The following TBC1D8 variants were observed in gnomAD, a reference collection of about 807,000 sequenced individuals.
The protein encoded by TBC1D8 is TBC1 domain family member 8, also known as BUB2-like protein 1.
In TBC1D8, 65 loss-of-function variants were observed where a neutral mutation model predicts 118.8. The observed-to-expected ratio is 0.55, with a 90% CI of 0.45 to 0.67. The LOEUF (loss-of-function observed/expected upper bound fraction) is 0.67. TBC1D8 is among the 30% of genes least tolerant of loss of function. TBC1D8 has a pLI of 0.00. For synonymous variants in TBC1D8, 566 were observed against 595.8 expected, an observed-to-expected ratio of 0.95 and a Z score of 0.73; for missense variants, 1,376 against 1,471.2, an observed-to-expected ratio of 0.94 and a Z score of 1.06.
chr2:101,048,181 G>A lies in TBC1D8; in HGVS notation c.872+2220C>T, dbSNP rs980559544. Among the ~76,000 whole-genome samples, 3 of 152,340 alleles carry A rather than the reference G, an allele frequency of 2.0e-5. No individual in the cohort carries two copies. In the East Asian group the frequency reaches 5.8e-4, roughly 29 times the overall value. On this transcript the variant is annotated intron_variant, in intron 5 of 19. Coordinates refer to ENST00000409318, the MANE Select transcript of TBC1D8 (RefSeq NM_001330348.2). ...CTAGCAACTCACACAAGCCAGGCTTGTTGCTTCGGGGCTTCCTGCAACTTT... is the reference window on the plus strand; with the variant it reads ...CTAGCAACTCACACAAGCCAGGCTTATTGCTTCGGGGCTTCCTGCAACTTT...
chr2:101,135,007 A>G (rs1292303589), intron 1 of TBC1D8, among the ~76,000 whole-genome samples: 3 of 152,146 alleles, frequency 2.0e-5, no homozygotes, highest in African/African-American at 7.2e-5. Context: ...CCCCGTCTCT[A>G]CTAAAAATAC....
chr2:101,079,521 C>T (rs1409477960), intron 2 of TBC1D8, among the ~76,000 whole-genome samples: 4 of 151,834 alleles, frequency 2.6e-5, no homozygotes, highest in Admixed American at 6.6e-5. Context: ...ACTACAGGTG[C>T]GCTCCACCAC....
chr2:101,148,293 C>G (rs922252498), intron 1 of TBC1D8, among the ~76,000 whole-genome samples: 1 of 152,304 alleles, frequency 6.6e-6, no homozygotes, highest in Middle Eastern at 3.4e-3. Context: ...CTACTCCCAC[C>G]CAACTTTTAA....
In TBC1D8 at chr2:101,032,360, A is replaced by T; in HGVS notation, c.1844T>A (p.Leu615Gln). 1.9e-6 allele frequency: 3 copies of T among 1,613,832 alleles called. No homozygotes were observed. Among genetic ancestry groups the T allele is most frequent in the Non-Finnish European group, 2.5e-6 (3 of 1,179,738 alleles). Residue 615 changes from leucine (L) to glutamine (Q), a missense_variant, in exon 11 of 20, where the codon CTG becomes CAG. Leu to Gln is a moderately radical substitution (Grantham distance 113, BLOSUM62 -2). Coordinates refer to ENST00000409318, the MANE Select transcript of TBC1D8 (RefSeq NM_001330348.2). ...CQSMNILTSV[L>Q]LLYTKEEEAF... ...TTCCTCCTCCTTGGTGTACAGCAGCAGCACGGAGGTCAGGATGTTCATGGA... is the reference window on the plus strand; with the variant it reads ...TTCCTCCTCCTTGGTGTACAGCAGCTGCACGGAGGTCAGGATGTTCATGGA...
rs1327045589 is a variant in TBC1D8, at chr2:101,151,128, G to T, written c.126C>A (p.Thr42=). Residue 42 remains threonine (T), a splice_region_variant and synonymous_variant, in exon 1 of 20, where the codon ACC becomes ACA. Transcript: ENST00000409318. ...CGCCCGCCCCGGCGAGCCCCTTACCGGTGAGGCGGCCGCCCCCCTCGCCGT... is the reference window on the plus strand; with the variant it reads ...CGCCCGCCCCGGCGAGCCCCTTACCTGTGAGGCGGCCGCCCCCCTCGCCGT... ...RGHGEGGGRL[T]GRLVGALDAV... The T allele has an allele frequency of 8.9e-7, 1 of 1,121,636 alleles. No individual in the cohort carries two copies. The highest frequency in any genetic ancestry group is 1.1e-6 in the Non-Finnish European group (1 of 899,730). 69.5% of individuals were successfully genotyped at this position (1,121,636 alleles called of 1,614,324 possible).
chr2:101,048,458 C>T (rs1681848000), intron 5 of TBC1D8, among the ~76,000 whole-genome samples: 1 of 152,164 alleles, frequency 6.6e-6, no homozygotes, highest in African/African-American at 2.4e-5. Context: ...ACCCCCTCAC[C>T]CTCCATCTCA....
rs116394930 is a variant in TBC1D8, at chr2:101,146,733, A to G, written c.127+4394T>C. On this transcript the variant is annotated intron_variant, in intron 1 of 19. Coordinates refer to ENST00000409318, the MANE Select transcript of TBC1D8 (RefSeq NM_001330348.2). ...ATTTCTTTGTGGTGAGAACATTCAA[A>G]GGCTTCTCATTCTCATAGCTATTCT... 7.6e-3 allele frequency among the ~76,000 whole-genome samples: 1,156 copies of G among 152,228 alleles called. 18 individuals carry two copies. The highest frequency in any genetic ancestry group is 0.026 in the African/African-American group (1,076 of 41,536).
chr2:101,087,643 CAA>C (rs34582477), intron 2 of TBC1D8, among the ~76,000 whole-genome samples: 15 of 104,872 alleles, frequency 1.4e-4, no homozygotes, highest in Non-Finnish European at 2.4e-4. Flanking sequence ...GACTCTGTCT[CAA>C]AAAAAAAAAA....
intron 1 of TBC1D8, among the ~76,000 whole-genome samples, chr2:101,098,489 T>C (rs1319287158): frequency 6.6e-6 from 1 of 152,166 alleles, no homozygotes; most frequent in Non-Finnish European, 1.5e-5. Context: ...ATTCAGGACT[T>C]GAACTCAGGT....
intron 6 of TBC1D8, among the ~76,000 whole-genome samples, chr2:101,038,982 T>C (rs1429347685): frequency 6.6e-6 from 1 of 152,180 alleles, no homozygotes; most frequent in African/African-American, 2.4e-5. Flanking sequence ...GTCACAAATA[T>C]TGTATGAATC....
At chr2:101,129,450 G>GT (rs1025881255) in intron 1 of TBC1D8, among the ~76,000 whole-genome samples, 3 of 152,110 alleles carry the variant, frequency 2.0e-5, no homozygotes, top group South Asian at 2.1e-4. Context: ...CCTGACCACA[G>GT]TTTTTTTAAA....
intron 1 of TBC1D8, among the ~76,000 whole-genome samples, chr2:101,095,324 A>C (rs1676331272): frequency 9.1e-6 from 1 of 109,592 alleles, no homozygotes; most frequent in Non-Finnish European, 2.1e-5. Flanking sequence ...ATATGTATAC[A>C]TGTGCCATGT....
chr2:101,106,007 G>C (rs1445372515), intron 1 of TBC1D8, among the ~76,000 whole-genome samples: 1 of 151,792 alleles, frequency 6.6e-6, no homozygotes, highest in Non-Finnish European at 1.5e-5. Context: ...ACTGTGGTTA[G>C]ATCCATTCAG....
chr2:101,059,663 A>G (rs961556050), intron 2 of TBC1D8, 124 bp from the exon 3 acceptor site: 5 of 808,584 alleles, frequency 6.2e-6, no homozygotes, highest in Admixed American at 5.2e-5. Context: ...GGCCTTGGCC[A>G]GGCGCAGTGG....
At chr2:101,042,239 T>C (rs878857210) in intron 5 of TBC1D8, among the ~76,000 whole-genome samples, 1 of 152,160 alleles carries the variant, frequency 6.6e-6, no homozygotes, top group Non-Finnish European at 1.5e-5. Flanking sequence ...TTTTTGGCTC[T>C]GAAACCAGTA....
chr2:101,055,473 A>C (rs1461711595), intron 3 of TBC1D8, among the ~76,000 whole-genome samples: 3 of 152,134 alleles, frequency 2.0e-5, no homozygotes, highest in Non-Finnish European at 4.4e-5. Flanking sequence ...TACCTGCCTG[A>C]CTGTGTGGCT....
chr2:101,047,917 A>G (rs1279241687), intron 5 of TBC1D8, among the ~76,000 whole-genome samples: 1 of 152,190 alleles, frequency 6.6e-6, no homozygotes, highest in East Asian at 1.9e-4. Context: ...CAGACCTTCA[A>G]TGTATTCTTT....
At chr2:101,089,572 G>A (rs955507247) in intron 2 of TBC1D8, among the ~76,000 whole-genome samples, 1 of 152,142 alleles carries the variant, frequency 6.6e-6, no homozygotes, top group African/African-American at 2.4e-5. Context: ...GAGAAGATGA[G>A]CAGGTGGTTT....
At chr2:101,073,619 G>T (rs1674618643) in intron 2 of TBC1D8, among the ~76,000 whole-genome samples, 1 of 152,190 alleles carries the variant, frequency 6.6e-6, no homozygotes, top group African/African-American at 2.4e-5. Flanking sequence ...AAAGTCAGTT[G>T]TGTAGTGTGG....
Sources: gnomAD v4.1 joint callset for allele counts (sites outside exome capture counted in the v4.1 genomes callset) on GRCh38, gnomAD v4.1.1 for gene constraint, MANE v1.5 for transcripts, NCBI Gene and HGNC (gene_info 2026-07-23, HGNC 2026-07-21) for gene names.